PAX9: variants seen among roughly 807,000 people sequenced by gnomAD.
PAX9 encodes paired box 9.
In PAX9, 6 loss-of-function variants were observed where a neutral mutation model predicts 29.1. The ratio of observed to expected loss-of-function variants is 0.21; its 90% confidence interval spans 0.11 to 0.41. The LOEUF (loss-of-function observed/expected upper bound fraction) is 0.41, where lower values mean the gene tolerates loss of function less well. Ranked by LOEUF, PAX9 falls within the 10% of genes least tolerant of loss-of-function variation. The pLI, the probability that PAX9 is intolerant of heterozygous loss-of-function variation, is 1.00. For synonymous variants in PAX9, 217 were observed against 211.7 expected, an observed-to-expected ratio of 1.03 and a Z score of -0.22; for missense variants, 443 against 479.1, an observed-to-expected ratio of 0.92 and a Z score of 0.70.
intron 3 of PAX9, 60 bp from the exon 4 acceptor site, chr14:36,676,138 C>T (rs965258952): frequency 1.9e-5 from 29 of 1,561,544 alleles, no homozygotes; most frequent in Middle Eastern, 3.3e-4. Context: ...TTTCTAAGAA[C>T]GTGTGAAATG....
At position 36,663,446 on chromosome 14, in the gene PAX9, C is replaced by T. The variant is rs370477014; in HGVS notation, c.554C>T (p.Ser185Leu). ...CCCGGGGTGCCTGCCATCCCCGGTT[C>T]GGTGGCCATGCCGCGCACCTGGCCC... Reference protein sequence around the residue: ...TPPGVPAIPGSVAMPRTWPSS... With the variant: ...TPPGVPAIPGLVAMPRTWPSS... Residue 185 changes from serine to leucine, a missense_variant, in exon 2 of 4, where the codon TCG becomes TTG. Transcript: ENST00000361487. 6.2e-7 allele frequency: 1 copy of T among 1,612,944 alleles called. No homozygotes were observed. Among genetic ancestry groups the T allele is most frequent in the Non-Finnish European group, 8.5e-7 (1 of 1,179,744 alleles).
intron 3 of PAX9, among the ~76,000 whole-genome samples, chr14:36,673,317 C>G (rs187750956): frequency 7.9e-5 from 12 of 152,110 alleles, no homozygotes; most frequent in Non-Finnish European, 1.6e-4. Context: ...AGAATAATGA[C>G]ATAAAGCAAG....
rs6145299 is a variant in PAX9, at chr14:36,673,530, C to CAGGGGGAACATCTCTGGGCAAAAGG, written c.772-2667_772-2666insGGGGGAACATCTCTGGGCAAAAGGA. Among the ~76,000 whole-genome samples the CAGGGGGAACATCTCTGGGCAAAAGG allele has an allele frequency of 5.3e-5, 8 of 152,106 alleles. No individual in the cohort carries two copies. The East Asian group carries it at 1.2e-3, about 22-fold the overall frequency. ...CAGCATGTCTCTGAGGGCCATCTTCCAAGTGGGTCCATGTAAGGGGACCAT... is the reference window on the plus strand; with the variant it reads ...CAGCATGTCTCTGAGGGCCATCTTCCAGGGGGAACATCTCTGGGCAAAAGGAAGTGGGTCCATGTAAGGGGACCAT... On this transcript the variant is annotated intron_variant, in intron 3 of 3. Coordinates refer to ENST00000361487, the MANE Select transcript of PAX9 (RefSeq NM_001372076.1).
intron 1 of PAX9, 105 bp from the exon 2 acceptor site, chr14:36,662,792 A>G: frequency 7.2e-7 from 1 of 1,383,086 alleles, no homozygotes; most frequent in Non-Finnish European, 1.0e-6. Flanking sequence ...TTAGTAGGGG[A>G]CGGGTGCGTT....
At chr14:36,665,041 GTGCCCACCGAC>G (rs992743302) in intron 2 of PAX9, among the ~76,000 whole-genome samples, 4 of 152,044 alleles carry the variant, frequency 2.6e-5, no homozygotes, top group African/African-American at 9.7e-5. Context: ...CTTCAAGCTT[GTGCCCACCGAC>G]TGCCTTTTGT....
upstream of PAX9, chr14:36,661,808 C>A: frequency 1.8e-6 from 1 of 542,760 alleles, no homozygotes; most frequent in Non-Finnish European, 3.3e-6. Context: ...GGACCCGCCC[C>A]TTTTAGGGCG....
chr14:36,668,300 T>G (rs1168903374), intron 3 of PAX9, among the ~76,000 whole-genome samples: 1 of 152,182 alleles, frequency 6.6e-6, no homozygotes, highest in African/African-American at 2.4e-5. Context: ...AAGTATAGAG[T>G]TGAAAAAGTT....
rs1229046420 is a variant in PAX9, at chr14:36,678,326, CT to C, written c.*1877del. 2 of 651,776 alleles carry C rather than the reference CT, an allele frequency of 3.1e-6. No homozygotes were observed. Among genetic ancestry groups the C allele is most frequent in the Non-Finnish European group, 5.3e-6 (2 of 375,988 alleles). 40.4% of individuals were successfully genotyped at this position (651,776 alleles called of 1,614,324 possible). ...CAGACAGCAGATATCTTATAGAGAGCTTTGAACTGCATTTATTTCTAAAGCA... is the reference window on the plus strand; with the variant it reads ...CAGACAGCAGATATCTTATAGAGAGCTTGAACTGCATTTATTTCTAAAGCA... On this transcript the variant is annotated 3_prime_UTR_variant, in exon 4 of 4. Coordinates refer to ENST00000361487, the MANE Select transcript of PAX9 (RefSeq NM_001372076.1).
At position 36,676,537 on chromosome 14, in the gene PAX9, C is replaced by A. The variant is rs939779785; in HGVS notation, c.*85C>A. The A allele has an allele frequency of 5.2e-5, 76 of 1,473,716 alleles. No homozygotes were observed. The highest frequency in any genetic ancestry group is 6.8e-5 in the Non-Finnish European group (73 of 1,076,796). The allele number at this position is 1,473,716 out of a possible 1,614,324, so 91.3% of individuals were successfully genotyped here. On this transcript the variant is annotated 3_prime_UTR_variant, in exon 4 of 4. Transcript: ENST00000361487. ...CAATTCCCAGGTCTCACATCCCACCCCTCCTGCCCTCCAACCCTTCTGCCT... is the reference window on the plus strand; with the variant it reads ...CAATTCCCAGGTCTCACATCCCACCACTCCTGCCCTCCAACCCTTCTGCCT...
chr14:36,676,231 G>A lies in PAX9; in HGVS notation c.805G>A (p.Val269Met). 3.7e-6 allele frequency: 6 copies of A among 1,614,106 alleles called. No individual in the cohort carries two copies. Among genetic ancestry groups the A allele is most frequent in the Non-Finnish European group, 5.1e-6 (6 of 1,180,018 alleles). ...PNGLPAVGSF[V>M]SASSMAPYPT... ...TGGTCTCCCAGCTGTGGGCAGTTTTGTGTCAGCATCCAGCATGGCTCCTTA... is the reference window on the plus strand; with the variant it reads ...TGGTCTCCCAGCTGTGGGCAGTTTTATGTCAGCATCCAGCATGGCTCCTTA... Residue 269 changes from valine to methionine, a missense_variant, in exon 4 of 4, where the codon GTG (valine) becomes ATG (methionine). Coordinates refer to ENST00000361487, the MANE Select transcript of PAX9 (RefSeq NM_001372076.1).
rs1555317465 is a variant in PAX9 at position 36,672,785 on chromosome 14, G to GT, written c.772-3402dup. ...TGTTTAAGTTTAAAGATTTATGTTT[G>GT]TTTTTTTTTTTAAGCAAACGTTTTA... On this transcript the variant is annotated intron_variant, in intron 3 of 3. Coordinates refer to ENST00000361487, the MANE Select transcript of PAX9 (RefSeq NM_001372076.1). Among the ~76,000 whole-genome samples the GT allele has an allele frequency of 7.3e-3, 912 of 125,244 alleles. 8 individuals carry two copies. Among genetic ancestry groups the GT allele is most frequent in the African/African-American group, 0.018 (572 of 31,972 alleles). The allele number at this position is 125,244 out of a possible 152,430, so 82.2% of individuals were successfully genotyped here.
Position 36,678,154 on chromosome 14 carries a change from T to G in PAX9, c.*1702T>G. 1.1e-5 allele frequency: 4 copies of G among 367,510 alleles called. No individual in the cohort carries two copies. In the South Asian group the frequency reaches 1.7e-4, roughly 16 times the overall value. The allele number at this position is 367,510 out of a possible 1,614,324, so 22.8% of individuals were successfully genotyped here. A position where few individuals can be genotyped will look rare whatever the true frequency, so the allele number is the denominator to read the frequency against. Reference sequence around the variant, plus strand: ...TTCTTCCGGTCTGTGCTGTGCACAGTCTACATGGCAATGCGGTTCCACCAC... The same window carrying G: ...TTCTTCCGGTCTGTGCTGTGCACAGGCTACATGGCAATGCGGTTCCACCAC... On this transcript the variant is annotated 3_prime_UTR_variant, in exon 4 of 4. Coordinates refer to ENST00000361487, the MANE Select transcript of PAX9 (RefSeq NM_001372076.1).
rs1167833377 is a variant in PAX9 at position 36,678,513 on chromosome 14, T to C, written c.*2061T>C. 5.9e-6 allele frequency: 9 copies of C among 1,536,906 alleles called. No homozygotes were observed. Among genetic ancestry groups the C allele is most frequent in the Non-Finnish European group, 7.8e-6 (9 of 1,146,780 alleles). ...GTGAGAAAATAGACTATAAACTGAATGGAACAAAGATCCAATCCAATATTT... is the reference window on the plus strand; with the variant it reads ...GTGAGAAAATAGACTATAAACTGAACGGAACAAAGATCCAATCCAATATTT... On this transcript the variant is annotated 3_prime_UTR_variant, in exon 4 of 4. Coordinates refer to ENST00000361487, the MANE Select transcript of PAX9 (RefSeq NM_001372076.1).
chr14:36,668,679 G>A (rs1881597760), intron 3 of PAX9, among the ~76,000 whole-genome samples: 1 of 152,092 alleles, frequency 6.6e-6, no homozygotes, highest in South Asian at 2.1e-4. Flanking sequence ...GAGCCACCGT[G>A]CCGGCCAGTA....
chr14:36,676,402 A>C lies in PAX9; in HGVS notation c.976A>C (p.Met326Leu), dbSNP rs1041320826. Residue 326 changes from methionine to leucine, a missense_variant, in exon 4 of 4, where the codon ATG becomes CTG. Transcript: ENST00000361487. Reference sequence around the variant, plus strand: ...TCCGGCATCGCTGGCGTTCAAGGGAATGCAGGCAGCCAGAGAAGGTAGTCA... The same window carrying C: ...TCCGGCATCGCTGGCGTTCAAGGGACTGCAGGCAGCCAGAGAAGGTAGTCA... ...DIPASLAFKG[M>L]QAAREGSHSV... The C allele has an allele frequency of 1.2e-6, 2 of 1,613,994 alleles. No individual in the cohort carries two copies. The highest frequency in any genetic ancestry group is 2.7e-5 in the African/African-American group (2 of 74,912).
At chr14:36,659,626 G>A (rs1052887215), upstream of PAX9, among the ~76,000 whole-genome samples, 2 of 152,178 alleles carry the variant, frequency 1.3e-5, no homozygotes, top group Non-Finnish European at 2.9e-5. Context: ...CCAGAGCTGC[G>A]GACAGGCCCC....
chr14:36,663,068 G>A lies in PAX9; in HGVS notation c.176G>A (p.Arg59Gln). The A allele has an allele frequency of 6.2e-7, 1 of 1,613,920 alleles. No homozygotes were observed. The highest frequency in any genetic ancestry group is 8.5e-7 in the Non-Finnish European group (1 of 1,180,028). The change falls in exon 2 of 4, where the codon CGA becomes CAA. Residue 59 changes from arginine (R) to glutamine (Q), a missense_variant. Around this residue, in one of 2 missense-constraint regions of PAX9, gnomAD observed 107 missense variants for 161.9 expected, o/e 0.66. Coordinates refer to ENST00000361487, the MANE Select transcript of PAX9 (RefSeq NM_001372076.1). ...SHGCVSKILA[R>Q]YNETGSILPG... The stretch of plus-strand genomic sequence containing the variant: ...GGCTGCGTCAGCAAGATCCTGGCGC[G>A]ATACAACGAGACGGGCTCGATCTTG...
chr14:36,666,199 G>C, intron 2 of PAX9: 2 of 522,928 alleles, frequency 3.8e-6, no homozygotes, highest in Non-Finnish European at 6.8e-6. Context: ...TCAAAAACCG[G>C]TTGAAAAAGA....
At chr14:36,658,185 C>A (rs558797632), upstream of PAX9, among the ~76,000 whole-genome samples, 28 of 152,290 alleles carry the variant, frequency 1.8e-4, no homozygotes, top group African/African-American at 6.7e-4. Context: ...GCTTGTTTTT[C>A]TCTCTGCACC....
Sources: allele counts gnomAD v4.1 joint callset (sites outside exome capture counted in the v4.1 genomes callset), GRCh38; gene constraint gnomAD v4.1.1; regional missense constraint gnomAD v4.1.1; transcripts MANE v1.5; gene names NCBI Gene and HGNC (gene_info 2026-07-23, HGNC 2026-07-21).